Variants in SLC5A1 observed in about 807,000 individuals in gnomAD.
The protein encoded by SLC5A1 is solute carrier family 5 member 1, also known as sodium/glucose cotransporter 1.
SLC5A1 carries 42 observed loss-of-function variants against 73.5 expected under a neutral mutation model. That is an observed-to-expected ratio of 0.57 (90% confidence interval 0.45 to 0.74). The LOEUF (loss-of-function observed/expected upper bound fraction) is 0.74. Ranked by LOEUF, SLC5A1 falls within the 30% of genes least tolerant of loss-of-function variation. SLC5A1 has a pLI of 0.00. For synonymous variants in SLC5A1, 300 were observed against 317.4 expected, an observed-to-expected ratio of 0.95 and a Z score of 0.58; for missense variants, 634 against 855.4, an observed-to-expected ratio of 0.74 and a Z score of 3.23.
At chr22:32,060,996 T>C (rs1235028665) in intron 2 of SLC5A1, among the ~76,000 whole-genome samples, 4 of 152,144 alleles carry the variant, frequency 2.6e-5, no homozygotes, top group Non-Finnish European at 5.9e-5. Flanking sequence ...TCAAACTTTG[T>C]TGGGCATAAG....
rs757880856 is a variant in SLC5A1 at position 32,043,295 on chromosome 22, C to T, written c.14C>T (p.Thr5Ile). The T allele has an allele frequency of 4.3e-6, 7 of 1,614,044 alleles. No individual in the cohort carries two copies. In the Middle Eastern group the frequency reaches 6.6e-4, roughly 152 times the overall value. ...AACGCTGCCACCATGGACAGTAGCA[C>T]CTGGAGCCCCAAGACCACCGCGGTC... MDSS[T>I]WSPKTTAVTR... The change falls in exon 1 of 15, where the codon ACC becomes ATC. Residue 5 changes from threonine to isoleucine, a missense_variant. By Grantham distance (89) the Thr-to-Ile change is moderately conservative. Around this residue, in one of 3 missense-constraint regions of SLC5A1, gnomAD observed 51 missense variants for 50.5 expected, o/e 1.01. Transcript: ENST00000266088. The surrounding 1 kb of genome is among the most constrained non-coding windows in gnomAD (Gnocchi z 6.5).
intron 5 of SLC5A1, 75 bp from the exon 6 acceptor site, chr22:32,081,791 A>T: frequency 2.3e-6 from 2 of 873,304 alleles, no homozygotes; most frequent in South Asian, 2.6e-5. Flanking sequence ...TTGGAAAATC[A>T]GGAGTAGAGA....
chr22:32,068,229 G>A (rs565279625), intron 4 of SLC5A1, among the ~76,000 whole-genome samples: 1 of 152,280 alleles, frequency 6.6e-6, no homozygotes, highest in African/African-American at 2.4e-5. Flanking sequence ...CAAGGGTCTG[G>A]CTCCTTAGTG....
intron 5 of SLC5A1, among the ~76,000 whole-genome samples, chr22:32,070,436 G>T (rs1474470687): frequency 6.6e-6 from 1 of 151,448 alleles, no homozygotes; most frequent in Non-Finnish European, 1.5e-5. Flanking sequence ...GGGCTCAAGC[G>T]ATCCTTCCAC....
At chr22:32,072,602 T>C (rs935285419) in intron 5 of SLC5A1, among the ~76,000 whole-genome samples, 1 of 152,230 alleles carries the variant, frequency 6.6e-6, no homozygotes, top group Non-Finnish European at 1.5e-5. Flanking sequence ...ATATAACCAT[T>C]GTGCTATTAT....
chr22:32,099,494 G>A (rs2094032814), intron 12 of SLC5A1, 143 bp downstream of exon 12: 1 of 852,606 alleles, frequency 1.2e-6, no homozygotes, highest in Non-Finnish European at 1.9e-6. Flanking sequence ...TGTAGGGAAA[G>A]CCTCCAGGGA....
At chr22:32,063,915 A>G (rs1603113005) in intron 2 of SLC5A1, among the ~76,000 whole-genome samples, 1 of 151,612 alleles carries the variant, frequency 6.6e-6, no homozygotes, top group Middle Eastern at 3.2e-3. Flanking sequence ...GGCTCAGGAC[A>G]TTCTGATACC....
chr22:32,072,657 A>G (rs2093984535), intron 5 of SLC5A1, among the ~76,000 whole-genome samples: 1 of 152,250 alleles, frequency 6.6e-6, no homozygotes, highest in Non-Finnish European at 1.5e-5. Context: ...TAGGTAGTTT[A>G]ATACCTGGCC....
intron 14 of SLC5A1, among the ~76,000 whole-genome samples, chr22:32,107,117 C>T (rs2094047602): frequency 6.6e-6 from 1 of 152,152 alleles, no homozygotes; most frequent in Non-Finnish European, 1.5e-5. Context: ...TGGAGAGAGC[C>T]TGGAGCCACA....
In SLC5A1 at chr22:32,112,136, A is replaced by G. The variant is rs569230072; in HGVS notation, c.*1923A>G. 1 of 152,300 alleles carries G rather than the reference A, an allele frequency of 6.6e-6. No homozygotes were observed. The highest frequency in any genetic ancestry group is 2.1e-4 in the South Asian group (1 of 4,824). 9.4% of individuals were successfully genotyped at this position (152,300 alleles called of 1,614,324 possible). On this transcript the variant is annotated 3_prime_UTR_variant, in exon 15 of 15. Coordinates refer to ENST00000266088, the MANE Select transcript of SLC5A1 (RefSeq NM_000343.4). ...TGGCTCACAGATTTAAATGTTATAC[A>G]TTGACAGCATTTATCAGTATAACAT...
intron 12 of SLC5A1, among the ~76,000 whole-genome samples, chr22:32,100,220 T>C (rs1442363351): frequency 6.6e-6 from 1 of 152,208 alleles, no homozygotes; most frequent in Non-Finnish European, 1.5e-5. Flanking sequence ...CAGGGTTTCA[T>C]TAACAGTGAT....
intron 11 of SLC5A1, among the ~76,000 whole-genome samples, chr22:32,096,228 A>G (rs530569131): frequency 2.3e-4 from 35 of 152,262 alleles, no homozygotes; most frequent in African/African-American, 7.9e-4. Flanking sequence ...TTTAACTTTA[A>G]ATTGGAGATC....
Position 32,084,551 on chromosome 22 carries a change from G to A in SLC5A1, c.777G>A (p.Arg259=), listed in dbSNP as rs756861741. 2 of 1,614,156 alleles carry A rather than the reference G, an allele frequency of 1.2e-6. No individual in the cohort carries two copies. Among genetic ancestry groups the A allele is most frequent in the East Asian group, 4.5e-5 (2 of 44,876 alleles). ...TTCAGGAAAAATGCTACACTCCAAGGGCCGACTCCTTCCACATCTTCCGAG... is the reference window on the plus strand; with the variant it reads ...TTCAGGAAAAATGCTACACTCCAAGAGCCGACTCCTTCCACATCTTCCGAG... ...TTFQEKCYTP[R]ADSFHIFRDP... is the part of the protein sequence containing the mutation. The change falls in exon 8 of 15, where the codon AGG becomes AGA. Residue 259 remains arginine (R), a synonymous_variant. Coordinates refer to ENST00000266088, the MANE Select transcript of SLC5A1 (RefSeq NM_000343.4).
rs567772892 is a variant in SLC5A1, at chr22:32,092,118, T to A, written c.1280+356T>A. 4.6e-5 allele frequency among the ~76,000 whole-genome samples: 7 copies of A among 152,102 alleles called. No individual in the cohort carries two copies. In the South Asian group the frequency reaches 1.5e-3, roughly 32 times the overall value. ...CCCCCTCCCACCCGTTTCCCGTGAGTCCCCAAAATCCACTGTATCATTCTT... is the reference window on the plus strand; with the variant it reads ...CCCCCTCCCACCCGTTTCCCGTGAGACCCCAAAATCCACTGTATCATTCTT... On this transcript the variant is annotated intron_variant, in intron 11 of 14. Transcript: ENST00000266088.
intron 4 of SLC5A1, 38 bp from the exon 5 acceptor site, chr22:32,068,458 A>G (rs1417417998): frequency 2.4e-6 from 3 of 1,263,968 alleles, no homozygotes; most frequent in East Asian, 2.3e-5. Context: ...CCCTCTGGTC[A>G]CTGTGGCTGG....
intron 5 of SLC5A1, among the ~76,000 whole-genome samples, chr22:32,078,282 CT>C (rs201494049): frequency 1.3e-5 from 2 of 151,056 alleles, no homozygotes; most frequent in Admixed American, 1.3e-4. Context: ...ATTTGTTTTT[CT>C]TTTTTTTTGA....
intron 2 of SLC5A1, among the ~76,000 whole-genome samples, chr22:32,064,672 C>T (rs939078180): frequency 1.3e-5 from 2 of 152,140 alleles, no homozygotes; most frequent in Admixed American, 6.5e-5. Context: ...ACATTTCCCA[C>T]ATCTAACCTA....
Position 32,043,459 on chromosome 22 carries a change from A to G in SLC5A1, c.135+43A>G, listed in dbSNP as rs530591572. The G allele has an allele frequency of 1.9e-5, 30 of 1,608,718 alleles. 1 individual carries two copies. In the East Asian group the frequency reaches 5.8e-4, roughly 31 times the overall value. ...GGATGCGGGTGGGGAGGGTGCGCAC[A>G]GAGGAGGAGCAATGGCCTCGCTGAG... is the stretch of plus-strand genomic sequence containing the variant. On this transcript the variant is annotated intron_variant, in intron 1 of 14. Transcript: ENST00000266088. The surrounding 1 kb of genome is among the most constrained non-coding windows in gnomAD (Gnocchi z 6.5).
chr22:32,048,898 A>C (rs147396102), intron 1 of SLC5A1, among the ~76,000 whole-genome samples: 6,822 of 151,868 alleles, frequency 0.045, 209 homozygotes, highest in Non-Finnish European at 0.07. Context: ...TGGTGAAACC[A>C]GTCTCTACTA....
Sources: allele counts gnomAD v4.1 joint callset (sites outside exome capture counted in the v4.1 genomes callset), GRCh38; gene constraint gnomAD v4.1.1; regional missense constraint gnomAD v4.1.1; non-coding constraint Gnocchi (gnomAD v3.1); transcripts MANE v1.5; gene names NCBI Gene and HGNC (gene_info 2026-07-23, HGNC 2026-07-21).